The following MAGI1 variants were observed in gnomAD, a reference collection of about 807,000 sequenced individuals.
MAGI1 encodes membrane-associated guanylate kinase, WW and PDZ domain-containing protein 1.
A neutral mutation model predicts 139.9 loss-of-function variants in MAGI1; 58 were observed. That is an observed-to-expected ratio of 0.41 (90% CI 0.34 to 0.52). The LOEUF (loss-of-function observed/expected upper bound fraction) is 0.52. MAGI1 is among the 20% of genes least tolerant of loss of function. MAGI1 has a pLI of 0.12. For synonymous variants in MAGI1, 812 were observed against 737.9 expected (o/e 1.10, Z -1.63); for missense variants, 1,874 against 1,901.6 (o/e 0.99, Z 0.27).
At chr3:65,374,368 A>C (rs915008990) in intron 18 of MAGI1, among the ~76,000 whole-genome samples, 1 of 120,550 alleles carries the variant, frequency 8.3e-6, no homozygotes, top group Non-Finnish European at 1.6e-5. Flanking sequence ...CCCAGGCTGG[A>C]GTGCAGTGGC....
At chr3:66,012,460 T>A (rs1317251057) in intron 1 of MAGI1, among the ~76,000 whole-genome samples, 1 of 151,970 alleles carries the variant, frequency 6.6e-6, no homozygotes, top group Non-Finnish European at 1.5e-5. Flanking sequence ...GACTCAGTAA[T>A]AACTAGCTAA....
Position 65,477,442 on chromosome 3 carries a change from G to A in MAGI1, c.757+1150C>T, listed in dbSNP as rs182180034. On this transcript the variant is annotated intron_variant, in intron 4 of 22. Coordinates refer to ENST00000402939, the MANE Select transcript of MAGI1 (RefSeq NM_001033057.2). The stretch of plus-strand genomic sequence containing the variant: ...TGTGAGAAAAGGCCACTATGGGAGA[G>A]GATAATCTCATATGTTGAAAACGGA... Among the ~76,000 whole-genome samples, 18 of 152,154 alleles carry A rather than the reference G, an allele frequency of 1.2e-4. No individual in the cohort carries two copies. The East Asian group carries it at 3.5e-3, about 29-fold the overall frequency.
Position 65,382,029 on chromosome 3 carries a change from G to GT in MAGI1, c.2548dup (p.Thr850AsnfsTer2). On this transcript the variant is annotated frameshift_variant, in exon 16 of 23. Coordinates refer to ENST00000402939, the MANE Select transcript of MAGI1 (RefSeq NM_001033057.2). LOFTEE classifies it high-confidence loss of function. ...ATCTCCAGACCTCAGGCGGCCGTCA[G>GT]TATCAGCAGCACCCAGTGGTACGAT... 6.2e-7 allele frequency: 1 copy of GT among 1,614,016 alleles called. No homozygotes were observed. Among genetic ancestry groups the GT allele is most frequent in the Non-Finnish European group, 8.5e-7 (1 of 1,179,978 alleles).
At chr3:65,878,459 T>C (rs1252222655) in intron 1 of MAGI1, among the ~76,000 whole-genome samples, 1 of 143,530 alleles carries the variant, frequency 7.0e-6, no homozygotes, top group African/African-American at 2.7e-5. Flanking sequence ...GAGGTTGCAG[T>C]GAGCCAAGAT....
In MAGI1 at chr3:65,437,236, C is replaced by A. The variant is rs144417292; in HGVS notation, c.1282G>T (p.Asp428Tyr). Residue 428 changes from aspartate (D) to tyrosine (Y), a missense_variant, in exon 10 of 23, where the codon GAT (aspartate) becomes TAT (tyrosine). Asp to Tyr is a radical substitution (Grantham distance 160). Transcript: ENST00000402939. ...ACAGGAGGCACAAGGGCTGAGTGAT[C>A]TTCTGTCCATTCTATGAAAAAGAAA... ...QQQQTEEWTE[D>Y]HSALVPPVIP... 2 of 1,606,794 alleles carry A rather than the reference C, an allele frequency of 1.2e-6. No homozygotes were observed. The highest frequency in any genetic ancestry group is 8.5e-7 in the Non-Finnish European group (1 of 1,174,054).
At chr3:66,016,567 G>C (rs926155745) in intron 1 of MAGI1, among the ~76,000 whole-genome samples, 11 of 152,198 alleles carry the variant, frequency 7.2e-5, no homozygotes, top group Non-Finnish European at 1.6e-4. Context: ...ATGTGCCCCA[G>C]CACCGGAGCT....
intron 1 of MAGI1, among the ~76,000 whole-genome samples, chr3:65,945,747 G>A (rs550020430): frequency 6.6e-6 from 1 of 152,222 alleles, no homozygotes; most frequent in South Asian, 2.1e-4. Context: ...TGACCACAGG[G>A]CATCCCTGGA....
Position 65,500,028 on chromosome 3 carries a change from T to C in MAGI1, c.431-6397A>G, listed in dbSNP as rs560885902. Among the ~76,000 whole-genome samples the C allele has an allele frequency of 2.8e-5, 4 of 143,458 alleles. No individual in the cohort carries two copies. In the South Asian group the frequency reaches 7.1e-4, roughly 25 times the overall value. 94.1% of individuals were successfully genotyped at this position (143,458 alleles called of 152,430 possible). On this transcript the variant is annotated intron_variant, in intron 2 of 22. Coordinates refer to ENST00000402939, the MANE Select transcript of MAGI1 (RefSeq NM_001033057.2). ...AGTACTTTCAAAAGTAACTTAGTCCTCACAAAAAAACATGCAAACGACTTA... is the reference window on the plus strand; with the variant it reads ...AGTACTTTCAAAAGTAACTTAGTCCCCACAAAAAAACATGCAAACGACTTA...
chr3:65,445,474 T>C (rs1948619874), intron 7 of MAGI1, among the ~76,000 whole-genome samples: 2 of 152,232 alleles, frequency 1.3e-5, no homozygotes, highest in African/African-American at 4.8e-5. Flanking sequence ...GAGCAAACAT[T>C]GAGCAGTCAA....
At chr3:65,841,699 T>C (rs2108342808) in intron 1 of MAGI1, among the ~76,000 whole-genome samples, 1 of 152,276 alleles carries the variant, frequency 6.6e-6, no homozygotes. Context: ...ATGCTGGGAT[T>C]ACAGGCATGA....
At chr3:66,031,891 T>C (rs780763693) in intron 1 of MAGI1, among the ~76,000 whole-genome samples, 15 of 152,194 alleles carry the variant, frequency 9.9e-5, no homozygotes, top group Admixed American at 3.3e-4. Context: ...CTCATCATCC[T>C]GCCTGCTGAA....
chr3:65,857,033 C>T (rs2059397869), intron 1 of MAGI1, among the ~76,000 whole-genome samples: 1 of 152,192 alleles, frequency 6.6e-6, no homozygotes, highest in South Asian at 2.1e-4. Context: ...AGGAGTTGGC[C>T]AGCTCCAACA....
At chr3:65,576,899 C>T (rs905369198) in intron 2 of MAGI1, among the ~76,000 whole-genome samples, 1 of 152,046 alleles carries the variant, frequency 6.6e-6, no homozygotes, top group Non-Finnish European at 1.5e-5. Flanking sequence ...GTATGGTTAC[C>T]CCTGGGATGT....
chr3:65,888,439 C>G (rs2060615678), intron 1 of MAGI1, among the ~76,000 whole-genome samples: 1 of 152,188 alleles, frequency 6.6e-6, no homozygotes, highest in African/African-American at 2.4e-5. Flanking sequence ...ACCTTTATGT[C>G]CAAAAGAATT....
At chr3:65,861,709 G>C (rs866459618) in intron 1 of MAGI1, among the ~76,000 whole-genome samples, 4 of 152,224 alleles carry the variant, frequency 2.6e-5, no homozygotes, top group Non-Finnish European at 5.9e-5. Flanking sequence ...GCAGAGGGAA[G>C]GGGCGCCGTG....
intron 1 of MAGI1, among the ~76,000 whole-genome samples, chr3:65,961,863 T>C (rs895379325): frequency 6.6e-6 from 1 of 152,200 alleles, no homozygotes; most frequent in African/African-American, 2.4e-5. Flanking sequence ...ATAAACATCA[T>C]GAATGTTCCA....
At chr3:65,568,263 C>A (rs1213015329) in intron 2 of MAGI1, among the ~76,000 whole-genome samples, 1 of 152,158 alleles carries the variant, frequency 6.6e-6, no homozygotes, top group Non-Finnish European at 1.5e-5. Flanking sequence ...CAGTTCATAT[C>A]CCAAGCTTCA....
In MAGI1 at chr3:65,430,695, C is replaced by T. The variant is rs1246962127; in HGVS notation, c.1546+4G>A. On this transcript the variant is annotated splice_donor_region_variant and intron_variant, in intron 11 of 22. Transcript: ENST00000402939. The stretch of plus-strand genomic sequence containing the variant: ...AGAACACACTAAGGCCATGTTGACG[C>T]TACCTGTTTCCATCTTGCCATCCAA... 1.9e-6 allele frequency: 3 copies of T among 1,612,870 alleles called. No individual in the cohort carries two copies. In the South Asian group the frequency reaches 3.3e-5, roughly 18 times the overall value.
At position 66,038,110 on chromosome 3, in the gene MAGI1, C is replaced by G. The variant is rs1317365801; in HGVS notation, c.199G>C (p.Gly67Arg). 1.2e-6 allele frequency: 2 copies of G among 1,612,684 alleles called. No homozygotes were observed. Among genetic ancestry groups the G allele is most frequent in the Non-Finnish European group, 1.7e-6 (2 of 1,179,738 alleles). The change falls in exon 1 of 23, where the codon GGG becomes CGG. Residue 67 changes from glycine to arginine, a missense_variant. Physicochemically the swap from Gly to Arg is moderately radical, Grantham distance 125. Coordinates refer to ENST00000402939, the MANE Select transcript of MAGI1 (RefSeq NM_001033057.2). ...GGGEGPRLGE[G>R]ELLLEVQGVR... ...CCCTGCACCTCCAGAAGCAGCTCCC[C>G]TTCGCCCAGCCTCGGGCCCTCGCCG...
Sources: allele counts gnomAD v4.1 joint callset (sites outside exome capture counted in the v4.1 genomes callset), GRCh38; gene constraint gnomAD v4.1.1; transcripts MANE v1.5; gene names NCBI Gene and HGNC (gene_info 2026-07-23, HGNC 2026-07-21).